The following DNAH3 variants were observed in gnomAD, a reference collection of about 807,000 sequenced individuals.
DNAH3 encodes the protein dynein axonemal heavy chain 3.
In DNAH3, 332 loss-of-function variants were observed where a neutral mutation model predicts 432.5. The observed-to-expected ratio is 0.77, with a 90% CI of 0.70 to 0.84. DNAH3 has a LOEUF of 0.84. Among genes scored for constraint, DNAH3 ranks in the 40% least tolerant of loss-of-function variants. DNAH3 has a pLI of 0.00. For synonymous variants in DNAH3, 1,956 were observed against 1,900.2 expected (o/e 1.03, Z -0.76); for missense variants, 4,861 against 5,114.0 (o/e 0.95, Z 1.51).
chr16:21,020,907 T>A (rs184298956), intron 40 of DNAH3, among the ~76,000 whole-genome samples: 36 of 152,052 alleles, frequency 2.4e-4, no homozygotes, highest in Non-Finnish European at 4.0e-4. Context: ...TCCTCTCTCA[T>A]CCCCCTTGCA....
Position 20,946,927 on chromosome 16 carries a change from C to T in DNAH3, c.11343+1556G>A, listed in dbSNP as rs1027788377. 2.0e-5 allele frequency among the ~76,000 whole-genome samples: 3 copies of T among 147,306 alleles called. No individual in the cohort carries two copies. The Admixed American group carries it at 2.1e-4, about 10-fold the overall frequency. On this transcript the variant is annotated intron_variant, in intron 57 of 61. Coordinates refer to ENST00000261383, the Ensembl canonical transcript of DNAH3. ...GCAACCTATGCCTCCTGGGCTCAAG[C>T]GATCTTCCCACCTCCGCCTCCTGAG...
rs769373962 is a variant in DNAH3, at chr16:20,963,547, C to T, written c.10337G>A (p.Trp3446Ter). The change falls in exon 53 of 62, where the codon TGG becomes TAG. Residue 3446 changes from tryptophan to a stop codon, truncating the protein, a stop_gained. Transcript: ENST00000261383. LOFTEE classifies it high-confidence loss of function. ...CCAGGCCGAGTCATAGATCAGCTTC[C>T]ATTCACCCAGGTTCTGTTCCAAATG... is the stretch of plus-strand genomic sequence containing the variant. 6.2e-7 allele frequency: 1 copy of T among 1,613,950 alleles called. No homozygotes were observed. The highest frequency in any genetic ancestry group is 1.3e-5 in the African/African-American group (1 of 74,882).
intron 53 of DNAH3, among the ~76,000 whole-genome samples, chr16:20,960,577 C>T (rs2084773115): frequency 6.6e-6 from 1 of 152,168 alleles, no homozygotes; most frequent in African/African-American, 2.4e-5. Context: ...TGGCACATGC[C>T]TGTAGTCCGA....
chr16:20,936,665 C>T (rs756913147), exon 60 of DNAH3: 18 of 1,598,048 alleles, frequency 1.1e-5, no homozygotes, highest in African/African-American at 6.7e-5. Context: ...GAAGGTCAGG[C>T]GGGCCAGCAG....
At chr16:20,933,418 C>A (rs1436032234) in exon 62 of DNAH3, 16 of 1,614,006 alleles carry the variant, frequency 9.9e-6, no homozygotes, top group Non-Finnish European at 1.4e-5. Flanking sequence ...GCATCGTTTT[C>A]CTGTCCCAAC....
At chr16:21,066,524 C>G (rs1277084428) in intron 24 of DNAH3, among the ~76,000 whole-genome samples, 2 of 152,236 alleles carry the variant, frequency 1.3e-5, no homozygotes, top group East Asian at 3.9e-4. Flanking sequence ...AACACCACCA[C>G]ACTGGCTTAT....
At chr16:21,049,780 T>C in intron 30 of DNAH3, 98 bp from the exon 31 acceptor site, 1 of 1,370,994 alleles carries the variant, frequency 7.3e-7, no homozygotes, top group South Asian at 1.2e-5. Context: ...CTCTCCTTGC[T>C]CTGCTTGAAG....
intron 53 of DNAH3, among the ~76,000 whole-genome samples, chr16:20,962,990 A>G (rs371940759): frequency 9.2e-5 from 14 of 152,252 alleles, no homozygotes; most frequent in African/African-American, 2.9e-4. Flanking sequence ...AGAACTTTGA[A>G]TGAATTATCA....
exon 53 of DNAH3, chr16:20,963,552 A>C (rs201518769): frequency 6.2e-7 from 1 of 1,613,796 alleles, no homozygotes; most frequent in East Asian, 2.2e-5. Flanking sequence ...GCTTCCATTC[A>C]CCCAGGTTCT....
At chr16:20,976,821 C>T (rs1003147121) in intron 50 of DNAH3, among the ~76,000 whole-genome samples, 4 of 152,192 alleles carry the variant, frequency 2.6e-5, no homozygotes, top group Admixed American at 2.6e-4. Flanking sequence ...GTCTGCAAAC[C>T]AGGGAAAGAG....
chr16:20,941,438 T>C, exon 59 of DNAH3: 2 of 1,614,126 alleles, frequency 1.2e-6, no homozygotes, highest in Non-Finnish European at 1.7e-6. Context: ...AGGACGGTAT[T>C]CATGGATTCT....
In DNAH3 at chr16:21,005,267, C is replaced by CTTCT. The variant is rs148872221; in HGVS notation, c.6023-2064_6023-2061dup. ...CCTCCCTTCTTCCTTCCTTCCCTCC[C>CTTCT]TTCTTTCTTTCTTTCCTTCCTTGCT... On this transcript the variant is annotated intron_variant, in intron 41 of 61. Coordinates refer to ENST00000261383, the Ensembl canonical transcript of DNAH3. Among the ~76,000 whole-genome samples the CTTCT allele has an allele frequency of 3.1e-3, 450 of 146,240 alleles. 3 individuals are homozygous for CTTCT. Among genetic ancestry groups the CTTCT allele is most frequent in the African/African-American group, 0.01 (415 of 39,552 alleles).
Position 20,958,806 on chromosome 16 carries a change from C to T in DNAH3, c.10826+373G>A, listed in dbSNP as rs568469428. ...TTTTAGAGAGGAAGTCTCACTCTGT[C>T]GCCCAGGCTGGAGTGCAGTGATACG... On this transcript the variant is annotated intron_variant, in intron 54 of 61. Transcript: ENST00000261383. Among the ~76,000 whole-genome samples the T allele has an allele frequency of 3.3e-5, 5 of 152,216 alleles. No individual in the cohort carries two copies. The East Asian group carries it at 7.7e-4, about 24-fold the overall frequency.
At chr16:21,152,083 A>C (rs2092858495) in intron 1 of DNAH3, among the ~76,000 whole-genome samples, 2 of 151,874 alleles carry the variant, frequency 1.3e-5, no homozygotes, top group Non-Finnish European at 2.9e-5. Flanking sequence ...AAAAATACAA[A>C]ATTAGCCGGG....
At chr16:20,935,717 C>G (rs1248960373) in intron 60 of DNAH3, among the ~76,000 whole-genome samples, 2 of 151,996 alleles carry the variant, frequency 1.3e-5, no homozygotes, top group African/African-American at 4.8e-5. Context: ...GTGGTGGGCA[C>G]CTGCAGTCCC....
At chr16:21,031,189 G>T in exon 37 of DNAH3, 1 of 1,614,098 alleles carries the variant, frequency 6.2e-7, no homozygotes, top group Non-Finnish European at 8.5e-7. Flanking sequence ...CCATCCACTC[G>T]TGGCTCACTT....
chr16:20,935,111 C>G (rs1259567596), intron 61 of DNAH3, among the ~76,000 whole-genome samples: 1 of 152,142 alleles, frequency 6.6e-6, no homozygotes, highest in African/African-American at 2.4e-5. Flanking sequence ...TCTTGGTGTT[C>G]TGACGGAATC....
intron 59 of DNAH3, 60 bp from the exon 60 acceptor site, chr16:20,936,913 C>T (rs1718344340): frequency 7.4e-7 from 1 of 1,351,724 alleles, no homozygotes; most frequent in Non-Finnish European, 1.0e-6. Context: ...CTACCCAAGT[C>T]CACTGACTGC....
intron 46 of DNAH3, 103 bp downstream of exon 46, chr16:20,987,590 G>T: frequency 6.5e-7 from 1 of 1,533,474 alleles, no homozygotes; most frequent in South Asian, 1.2e-5. Context: ...GCCTAGCATA[G>T]ACTAAGTGCC....
Sources: gnomAD v4.1 joint callset for allele counts (sites outside exome capture counted in the v4.1 genomes callset) on GRCh38, gnomAD v4.1.1 for gene constraint, MANE v1.5 for transcripts, NCBI Gene and HGNC (gene_info 2026-07-23, HGNC 2026-07-21) for gene names.